Variants in SIRT4 observed in about 807,000 individuals in gnomAD.
SIRT4 encodes the protein NAD-dependent protein lipoamidase sirtuin-4, mitochondrial.
Under a neutral mutation model 26.1 loss-of-function variants are expected in SIRT4, and 23 were observed. That is an observed-to-expected ratio of 0.88 (90% CI 0.63 to 1.25). The LOEUF (loss-of-function observed/expected upper bound fraction) is 1.25, where lower values mean the gene tolerates loss of function less well. SIRT4 is among the 50% of genes most tolerant of loss of function. The pLI is 0.00. For missense variants in SIRT4, 361 were observed against 405.4 expected (o/e 0.89, Z 0.94); for synonymous variants, 155 against 158.4 (o/e 0.98, Z 0.16).
At chr12:120,296,223 AT>A in the SIRT4 span, among the ~76,000 whole-genome samples, 2,130 of 145,898 alleles carry the variant, frequency 0.015, 30 homozygotes, top group African/African-American at 0.04. Context: ...CAAAAATGAC[AT>A]TTTTTTTTTT....
chr12:120,296,086 CAAAAAAAAAAAAAA>C, the SIRT4 span, among the ~76,000 whole-genome samples: 2 of 40,192 alleles, frequency 5.0e-5, no homozygotes, highest in Admixed American at 3.5e-4. Flanking sequence ...GACTCCGTCT[CAAAAAAAAAAAAAA>C]AAAAAAAAAA....
rs1873062547 is a variant in SIRT4, at chr12:120,313,166, A to G, written c.*130A>G. On this transcript the variant is annotated 3_prime_UTR_variant, in exon 4 of 4. Coordinates refer to ENST00000202967, the MANE Select transcript of SIRT4 (RefSeq NM_012240.3). ...AGTAGGGTGCACTGACAAAGTATAG[A>G]AGGTTCTAGGTATCTTAATGTGTGG... 1 of 1,007,654 alleles carries G rather than the reference A, an allele frequency of 9.9e-7. No homozygotes were observed. The highest frequency in any genetic ancestry group is 1.5e-6 in the Non-Finnish European group (1 of 672,048). 62.4% of individuals were successfully genotyped at this position (1,007,654 alleles called of 1,614,324 possible).
chr12:120,304,375 C>T (rs534083729), intron 2 of SIRT4, among the ~76,000 whole-genome samples: 5 of 152,074 alleles, frequency 3.3e-5, no homozygotes, highest in East Asian at 1.9e-4. Context: ...TGGGGCCGGG[C>T]GCAGTGGCTC....
At chr12:120,295,245 G>A in the SIRT4 span, among the ~76,000 whole-genome samples, 1 of 134,230 alleles carries the variant, frequency 7.4e-6, no homozygotes, top group Non-Finnish European at 1.6e-5. Context: ...ACTGAGTTTC[G>A]CTCTTGTTGC....
chr12:120,308,247 G>A (rs1872823880), intron 2 of SIRT4, among the ~76,000 whole-genome samples: 1 of 144,664 alleles, frequency 6.9e-6, no homozygotes, highest in African/African-American at 2.6e-5. Flanking sequence ...TCGGCTCACT[G>A]CAACCTCCGC....
chr12:120,294,006 C>CTTTTTTTTTTTTTTTTTTTTTT, the SIRT4 span, among the ~76,000 whole-genome samples: 1 of 84,014 alleles, frequency 1.2e-5, no homozygotes, highest in African/African-American at 4.9e-5. Context: ...GAGATGTTAT[C>CTTTTTTTTTTTTTTTTTTTTTT]TTTTTTTTTT....
chr12:120,292,467 G>A, the SIRT4 span, among the ~76,000 whole-genome samples: 66 of 152,260 alleles, frequency 4.3e-4, no homozygotes, highest in Middle Eastern at 3.4e-3. Context: ...GCGGGGTGCG[G>A]TGGGCAGGCG....
intron 2 of SIRT4, among the ~76,000 whole-genome samples, chr12:120,309,948 C>T (rs571759921): frequency 6.6e-6 from 1 of 151,994 alleles, no homozygotes; most frequent in African/African-American, 2.4e-5. Context: ...AACTCCTGAC[C>T]TCAACTGATC....
chr12:120,292,915 C>A, the SIRT4 span, among the ~76,000 whole-genome samples: 1 of 152,232 alleles, frequency 6.6e-6, no homozygotes, highest in Non-Finnish European at 1.5e-5. Flanking sequence ...GCAACTCCAA[C>A]TTTCATAAAC....
chr12:120,294,710 A>T, the SIRT4 span, among the ~76,000 whole-genome samples: 3 of 150,206 alleles, frequency 2.0e-5, no homozygotes, highest in East Asian at 6.0e-4. Context: ...TACAGACAGG[A>T]TCTCACCATG....
intron 2 of SIRT4, among the ~76,000 whole-genome samples, chr12:120,308,384 T>A (rs1167192793): frequency 6.6e-6 from 1 of 151,960 alleles, no homozygotes; most frequent in African/African-American, 2.4e-5. Flanking sequence ...TTGGCCAGGC[T>A]GGTCTCGAAC....
the SIRT4 span, among the ~76,000 whole-genome samples, chr12:120,294,122 ATC>A: frequency 1.4e-5 from 2 of 142,848 alleles, no homozygotes; most frequent in African/African-American, 5.3e-5. Flanking sequence ...TCCTGCCTCC[ATC>A]TCTCAAGTAG....
At chr12:120,291,812 G>A in the SIRT4 span, 18 of 152,106 alleles carry the variant, frequency 1.2e-4, no homozygotes, top group East Asian at 1.9e-4. Context: ...ATTTCAAGTC[G>A]TCATGGCGGG....
At chr12:120,309,604 G>T (rs1397960893) in intron 2 of SIRT4, among the ~76,000 whole-genome samples, 6 of 151,350 alleles carry the variant, frequency 4.0e-5, no homozygotes, top group Non-Finnish European at 1.5e-5. Flanking sequence ...TAGAGACTGG[G>T]TTTCACCGTG....
At chr12:120,296,367 G>A in the SIRT4 span, among the ~76,000 whole-genome samples, 10 of 150,456 alleles carry the variant, frequency 6.6e-5, no homozygotes, top group East Asian at 2.0e-4. Context: ...ACAGGCGCCC[G>A]CCACCACGGC....
At chr12:120,299,549 C>CA (rs35920345), upstream of SIRT4, among the ~76,000 whole-genome samples, 116 of 130,794 alleles carry the variant, frequency 8.9e-4, 1 homozygote, top group African/African-American at 1.5e-3. Flanking sequence ...TAGACTCTCT[C>CA]AAAAAAAAAA....
At chr12:120,305,883 A>G (rs2905543) in intron 2 of SIRT4, among the ~76,000 whole-genome samples, 12,900 of 151,730 alleles carry the variant, frequency 0.085, 729 homozygotes, top group Admixed American at 0.16. Flanking sequence ...GCGGTGGCGG[A>G]CGCCTGTAGT....
chr12:120,292,315 G>A, the SIRT4 span, among the ~76,000 whole-genome samples: 1 of 152,270 alleles, frequency 6.6e-6, no homozygotes, highest in East Asian at 1.9e-4. Context: ...TCTGAATGGA[G>A]AACACGGCTG....
intron 2 of SIRT4, among the ~76,000 whole-genome samples, chr12:120,306,283 C>T (rs560497208): frequency 2.0e-5 from 3 of 151,740 alleles, no homozygotes; most frequent in Non-Finnish European, 4.4e-5. Context: ...CGAGACCAGC[C>T]TGACCAACAT....
Sources: allele counts gnomAD v4.1 joint callset (sites outside exome capture counted in the v4.1 genomes callset), GRCh38; gene constraint gnomAD v4.1.1; transcripts MANE v1.5; gene names NCBI Gene and HGNC (gene_info 2026-07-23, HGNC 2026-07-21).